Variants in SGPP1 observed in about 807,000 individuals in gnomAD.
SGPP1 encodes the protein sphingosine-1-phosphate phosphatase 1.
SGPP1 carries 21 observed loss-of-function variants against 33.0 expected under a neutral mutation model. That is an observed-to-expected ratio of 0.64 (90% confidence interval 0.45 to 0.92). The LOEUF is 0.92. Ranked by LOEUF, SGPP1 falls within the 40% of genes least tolerant of loss-of-function variation. The pLI is 0.00. For synonymous variants in SGPP1, 239 were observed against 241.2 expected (o/e 0.99, Z 0.08); for missense variants, 543 against 589.4 (o/e 0.92, Z 0.81).
At chr14:63,714,381 G>A (rs558226852) in intron 1 of SGPP1, among the ~76,000 whole-genome samples, 2 of 152,254 alleles carry the variant, frequency 1.3e-5, no homozygotes, top group Admixed American at 1.3e-4. Context: ...CAGCCATAGT[G>A]ATAAATGTTT....
intron 2 of SGPP1, among the ~76,000 whole-genome samples, chr14:63,691,746 G>A (rs562790857): frequency 1.2e-4 from 19 of 152,172 alleles, no homozygotes; most frequent in African/African-American, 4.3e-4. Context: ...TGATTCTGAT[G>A]TACACCCTGG....
chr14:63,714,744 A>AT (rs368742605), intron 1 of SGPP1, among the ~76,000 whole-genome samples: 235 of 142,986 alleles, frequency 1.6e-3, no homozygotes, highest in East Asian at 6.8e-3. Flanking sequence ...ATTTTTATTT[A>AT]TTTTTTTTTT....
chr14:63,716,994 C>T (rs769945408), intron 1 of SGPP1, among the ~76,000 whole-genome samples: 19 of 151,778 alleles, frequency 1.3e-4, no homozygotes, highest in African/African-American at 9.7e-5. Flanking sequence ...TGCCCAGGAC[C>T]CAACTGTAAT....
intron 2 of SGPP1, among the ~76,000 whole-genome samples, chr14:63,692,024 C>T (rs1203170885): frequency 6.6e-6 from 1 of 152,272 alleles, no homozygotes; most frequent in Non-Finnish European, 1.5e-5. Flanking sequence ...ACATTGACTA[C>T]ATAATCCTGC....
At chr14:63,707,493 C>T (rs1483762378) in intron 1 of SGPP1, among the ~76,000 whole-genome samples, 1 of 151,888 alleles carries the variant, frequency 6.6e-6, no homozygotes, top group Non-Finnish European at 1.5e-5. Flanking sequence ...TATAGACGTC[C>T]AGGCAGTTTC....
intron 1 of SGPP1, among the ~76,000 whole-genome samples, chr14:63,702,928 ATAAAT>A: frequency 6.6e-6 from 1 of 152,298 alleles, no homozygotes; most frequent in African/African-American, 2.4e-5. Flanking sequence ...TGCCTAATTT[ATAAAT>A]TAAACTTTAT....
At chr14:63,713,841 C>G (rs1242710245) in intron 1 of SGPP1, among the ~76,000 whole-genome samples, 1 of 152,176 alleles carries the variant, frequency 6.6e-6, no homozygotes, top group Non-Finnish European at 1.5e-5. Flanking sequence ...ACCTAGAAAT[C>G]TGGTAAAGCA....
intron 1 of SGPP1, among the ~76,000 whole-genome samples, chr14:63,723,505 G>A (rs1475720236): frequency 6.6e-6 from 1 of 152,104 alleles, no homozygotes; most frequent in Admixed American, 6.6e-5. Context: ...TGGATCACGA[G>A]GTCAAGAGAT....
At chr14:63,693,164 C>T (rs1294625953) in intron 2 of SGPP1, among the ~76,000 whole-genome samples, 1 of 152,260 alleles carries the variant, frequency 6.6e-6, no homozygotes, top group African/African-American at 2.4e-5. Context: ...ATATCCTGGG[C>T]TCAAGTGATC....
In SGPP1 at chr14:63,684,595, T is replaced by C. The variant is rs140912878; in HGVS notation, c.*1510A>G. 6.6e-6 allele frequency: 1 copy of C among 152,592 alleles called. No homozygotes were observed. Among genetic ancestry groups the C allele is most frequent in the African/African-American group, 2.4e-5 (1 of 41,570 alleles). The allele number at this position is 152,592 out of a possible 1,614,324, so 9.5% of individuals were successfully genotyped here. ...AAAATATGAGCTCAAATAGTTATGG[T>C]GCCCAAAATAGAAACATCTGAAGTG... is the stretch of plus-strand genomic sequence containing the variant. On this transcript the variant is annotated 3_prime_UTR_variant, in exon 3 of 3. Transcript: ENST00000247225.
chr14:63,726,798 C>T (rs1288745502), intron 1 of SGPP1, among the ~76,000 whole-genome samples: 1 of 152,196 alleles, frequency 6.6e-6, no homozygotes, highest in African/African-American at 2.4e-5. Flanking sequence ...ATTACACTAA[C>T]GTTTTGTAAA....
chr14:63,693,356 T>C (rs1012136542), intron 2 of SGPP1, among the ~76,000 whole-genome samples: 2 of 152,250 alleles, frequency 1.3e-5, no homozygotes, highest in Admixed American at 1.3e-4. Flanking sequence ...TCTTGGTAAA[T>C]ACCCATAGGA....
intron 2 of SGPP1, among the ~76,000 whole-genome samples, chr14:63,697,879 A>T (rs1427933972): frequency 3.9e-5 from 6 of 152,216 alleles, no homozygotes; most frequent in Admixed American, 1.3e-4. Flanking sequence ...AAAGTCTACG[A>T]AACAGCTGAA....
rs1885767252 is a variant in SGPP1 at position 63,721,358 on chromosome 14, CA to C, written c.684+5902del. On this transcript the variant is annotated intron_variant, in intron 1 of 2. Coordinates refer to ENST00000247225, the MANE Select transcript of SGPP1 (RefSeq NM_030791.4). Reference sequence around the variant, plus strand: ...ACCCAGGAGGCTGAGGTAGAAGAATCACTTGAACACAGGAGGCGGAGGTTGT... The same window carrying C: ...ACCCAGGAGGCTGAGGTAGAAGAATCCTTGAACACAGGAGGCGGAGGTTGT... 1.3e-5 allele frequency among the ~76,000 whole-genome samples: 2 copies of C among 151,568 alleles called. 1 individual carries two copies. The highest frequency in any genetic ancestry group is 4.2e-4 in the South Asian group (2 of 4,800).
chr14:63,704,255 T>C (rs1192697768), intron 1 of SGPP1, among the ~76,000 whole-genome samples: 1 of 152,234 alleles, frequency 6.6e-6, no homozygotes, highest in Non-Finnish European at 1.5e-5. Context: ...GAAGGACTCA[T>C]ATTTTCCAAT....
intron 1 of SGPP1, among the ~76,000 whole-genome samples, chr14:63,726,027 GA>G (rs1259057003): frequency 1.3e-5 from 2 of 152,136 alleles, no homozygotes; most frequent in East Asian, 1.9e-4. Context: ...TGGTTAAACA[GA>G]AAAAAACTTC....
chr14:63,690,339 G>A (rs1300973570), intron 2 of SGPP1, among the ~76,000 whole-genome samples: 4 of 152,202 alleles, frequency 2.6e-5, no homozygotes, highest in East Asian at 1.9e-4. Context: ...CACTGTGACC[G>A]GCTGGGCTAT....
chr14:63,711,225 G>T (rs1351837038), intron 1 of SGPP1, among the ~76,000 whole-genome samples: 1 of 152,008 alleles, frequency 6.6e-6, no homozygotes, highest in African/African-American at 2.4e-5. Context: ...ATGTTGGCCA[G>T]GTTGGTCTTG....
In SGPP1 at chr14:63,686,413, C is replaced by A. The variant is rs769832483; in HGVS notation, c.1018G>T (p.Gly340Cys). The A allele has an allele frequency of 1.2e-6, 2 of 1,613,986 alleles. No individual in the cohort carries two copies. The highest frequency in any genetic ancestry group is 2.7e-5 in the African/African-American group (2 of 75,004). The stretch of plus-strand genomic sequence containing the variant: ...TCTAGAGAAGGATCTAATACTAGAC[C>A]CATGTTATAAGTAACATGAGATCCA... ...ACGSHVTYNM[G>C]LVLDPSLDTL... The change falls in exon 3 of 3, where the codon GGT becomes TGT. Residue 340 changes from glycine to cysteine, a missense_variant. Transcript: ENST00000247225.
Sources: gnomAD v4.1 joint callset for allele counts (sites outside exome capture counted in the v4.1 genomes callset) on GRCh38, gnomAD v4.1.1 for gene constraint, MANE v1.5 for transcripts, NCBI Gene and HGNC (gene_info 2026-07-23, HGNC 2026-07-21) for gene names.